The following DHX34 variants were observed in gnomAD, a reference collection of about 807,000 sequenced individuals.
DHX34 encodes the protein DExH-box helicase 34, also known as probable ATP-dependent RNA helicase DHX34.
Under a neutral mutation model 111.1 loss-of-function variants are expected in DHX34, and 96 were observed. The ratio of observed to expected loss-of-function variants is 0.86; its 90% CI spans 0.73 to 1.02. The LOEUF is 1.02. Ranked by LOEUF, DHX34 falls within the 50% of genes least tolerant of loss-of-function variation. The pLI is 0.00. For synonymous variants in DHX34, 688 were observed against 670.4 expected (o/e 1.03, Z -0.41); for missense variants, 1,560 against 1,579.9 (o/e 0.99, Z 0.21).
chr19:47,371,071 G>A (rs1275457912), intron 7 of DHX34, among the ~76,000 whole-genome samples: 2 of 152,238 alleles, frequency 1.3e-5, no homozygotes, highest in African/African-American at 4.8e-5. Flanking sequence ...GCCGGCGAAA[G>A]GCTCTGTGGA....
chr19:47,377,623 C>T (rs371801836), intron 13 of DHX34, among the ~76,000 whole-genome samples: 130 of 151,638 alleles, frequency 8.6e-4, no homozygotes, highest in African/African-American at 3.0e-3. Context: ...GTGTGGATCT[C>T]GGGGCAGAGT....
Position 47,352,303 on chromosome 19 carries a change from C to T in DHX34, c.-277-451C>T, listed in dbSNP as rs994945812. Among the ~76,000 whole-genome samples, 6 of 152,292 alleles carry T rather than the reference C, an allele frequency of 3.9e-5. No homozygotes were observed. In the South Asian group the frequency reaches 6.2e-4, roughly 16 times the overall value. On this transcript the variant is annotated intron_variant, in intron 1 of 16. Coordinates refer to ENST00000328771, the MANE Select transcript of DHX34 (RefSeq NM_014681.6). ...ACATGAGAGATCATGTGATCATGGC[C>T]GTCTGTGAGGACTCTGGTAGTCATA...
In DHX34 at chr19:47,375,695, G is replaced by A. The variant is rs773778745; in HGVS notation, c.2294G>A (p.Gly765Asp). Residue 765 changes from glycine to aspartate, a missense_variant, in exon 10 of 17, where the codon GGC becomes GAC. Coordinates refer to ENST00000328771, the MANE Select transcript of DHX34 (RefSeq NM_014681.6). ...CCAGCCCCCCCAGGGGCCAGTGATGGCGTGGACATCCAGGTGGGCGCCATG... is the reference window on the plus strand; with the variant it reads ...CCAGCCCCCCCAGGGGCCAGTGATGACGTGGACATCCAGGTGGGCGCCATG... ...AGPAPPGASDGVDIQDVKFKL... is the reference protein window; with the variant it reads ...AGPAPPGASDDVDIQDVKFKL... 1.3e-5 allele frequency: 20 copies of A among 1,560,092 alleles called. No homozygotes were observed. The highest frequency in any genetic ancestry group is 1.6e-5 in the Non-Finnish European group (19 of 1,157,080).
Position 47,359,991 on chromosome 19 carries a change from A to G in DHX34, c.1296A>G (p.Gly432=). The change falls in exon 5 of 17, where the codon GGA becomes GGG. Residue 432 remains glycine (G), a synonymous_variant. Transcript: ENST00000328771. ...AGGTATTTGATGTGGCACCCCCTGGAGTCCGGAAATGCATCCTCTCCACCA... is the reference window on the plus strand; with the variant it reads ...AGGTATTTGATGTGGCACCCCCTGGGGTCCGGAAATGCATCCTCTCCACCA... ...QDKVFDVAPP[G]VRKCILSTNI... 1 of 1,614,050 alleles carries G rather than the reference A, an allele frequency of 6.2e-7. No individual in the cohort carries two copies. The highest frequency in any genetic ancestry group is 8.5e-7 in the Non-Finnish European group (1 of 1,179,984).
chr19:47,379,510 C>G, intron 13 of DHX34, 200 bp from the exon 14 acceptor site: 1 of 900,426 alleles, frequency 1.1e-6, no homozygotes, highest in Non-Finnish European at 1.3e-6. Flanking sequence ...AGCCCCCTTC[C>G]CTGACTCAGC....
chr19:47,379,933 C>A lies in DHX34; in HGVS notation c.2930C>A (p.Pro977His), dbSNP rs771263808. The A allele has an allele frequency of 6.2e-6, 10 of 1,606,478 alleles. No homozygotes were observed. The East Asian group carries it at 2.2e-4, about 36-fold the overall frequency. ...EEEEEDTPVSPKEVATLSKEL... is the reference protein window; with the variant it reads ...EEEEEDTPVSHKEVATLSKEL... Reference sequence around the variant, plus strand: ...GAGGAGGAGGATACGCCAGTCAGCCCCAAGGAGGTGGCCACCCTGAGCAAG... The same window carrying A: ...GAGGAGGAGGATACGCCAGTCAGCCACAAGGAGGTGGCCACCCTGAGCAAG... The change falls in exon 14 of 17, where the codon CCC becomes CAC. Residue 977 changes from proline (P) to histidine (H), a missense_variant. By Grantham distance (77) the Pro-to-His change is moderately conservative (BLOSUM62 -2). Transcript: ENST00000328771.
chr19:47,366,969 T>C lies in DHX34; in HGVS notation c.1594-12T>C, dbSNP rs1969804286. 1 of 1,543,448 alleles carries C rather than the reference T, an allele frequency of 6.5e-7. No individual in the cohort carries two copies. The highest frequency in any genetic ancestry group is 8.7e-7 in the Non-Finnish European group (1 of 1,144,076). On this transcript the variant is annotated splice_polypyrimidine_tract_variant and intron_variant, in intron 6 of 16. Coordinates refer to ENST00000328771, the MANE Select transcript of DHX34 (RefSeq NM_014681.6). ...TGTTCCCCAATCTTGGGGGTTTTGCTTCTCATTCTAGATGAAGAGCATGAG... is the reference window on the plus strand; with the variant it reads ...TGTTCCCCAATCTTGGGGGTTTTGCCTCTCATTCTAGATGAAGAGCATGAG...
chr19:47,364,673 G>T (rs952419126), intron 6 of DHX34, among the ~76,000 whole-genome samples: 11 of 152,128 alleles, frequency 7.2e-5, no homozygotes, highest in Non-Finnish European at 1.3e-4. Flanking sequence ...AGGAGTTCGA[G>T]GCTGCAGTGA....
chr19:47,379,510 C>A, intron 13 of DHX34, 200 bp from the exon 14 acceptor site: 1 of 900,426 alleles, frequency 1.1e-6, no homozygotes, highest in Non-Finnish European at 1.3e-6. Context: ...AGCCCCCTTC[C>A]CTGACTCAGC....
At chr19:47,373,042 C>T (rs2122323017) in intron 8 of DHX34, 119 bp downstream of exon 8, 1 of 1,318,188 alleles carries the variant, frequency 7.6e-7, no homozygotes, top group Non-Finnish European at 1.0e-6. Context: ...CACTGAGCCC[C>T]CCACAGACTG....
chr19:47,380,709 C>T (rs1032537050), intron 14 of DHX34, 107 bp from the exon 15 acceptor site: 33 of 1,523,202 alleles, frequency 2.2e-5, no homozygotes, highest in South Asian at 1.0e-4. Context: ...ACTTGGCTCC[C>T]GTAACTGCAA....
chr19:47,375,510 G>T lies in DHX34; in HGVS notation c.2109G>T (p.Ala703=). 6.4e-7 allele frequency: 1 copy of T among 1,571,852 alleles called. No individual in the cohort carries two copies. The highest frequency in any genetic ancestry group is 8.6e-7 in the Non-Finnish European group (1 of 1,165,034). The change falls in exon 10 of 17, where the codon GCG becomes GCT. Residue 703 remains alanine, a synonymous_variant. Coordinates refer to ENST00000328771, the MANE Select transcript of DHX34 (RefSeq NM_014681.6). ...DHGLLAGAQA[A]QVGDSYSRLQ... ...GGCTGCTGGCTGGGGCCCAGGCCGC[G>T]CAGGTAGGGGACAGCTACAGTCGGT... is the stretch of plus-strand genomic sequence containing the variant.
At position 47,368,630 on chromosome 19, in the gene DHX34, G is replaced by GTA. The variant is rs1192985532; in HGVS notation, c.1768+1484_1768+1485dup. ...CCATTGAATGTGTGTGTGTGTGTGT[G>GTA]TATATATATACACACACACACACAC... On this transcript the variant is annotated intron_variant, in intron 7 of 16. Coordinates refer to ENST00000328771, the MANE Select transcript of DHX34 (RefSeq NM_014681.6). Among the ~76,000 whole-genome samples the GTA allele has an allele frequency of 7.2e-3, 928 of 129,608 alleles. 3 individuals carry two copies. The highest frequency in any genetic ancestry group is 0.013 in the Admixed American group (170 of 12,880). The allele number at this position is 129,608 out of a possible 152,430, so 85.0% of individuals were successfully genotyped here.
At chr19:47,364,252 G>A (rs540351207) in intron 6 of DHX34, among the ~76,000 whole-genome samples, 1 of 152,168 alleles carries the variant, frequency 6.6e-6, no homozygotes, top group South Asian at 2.1e-4. Context: ...CCTCAGTCTC[G>A]TGGCCACGCC....
chr19:47,357,899 A>T lies in DHX34; in HGVS notation c.1051A>T (p.Thr351Ser), dbSNP rs969938719. The T allele has an allele frequency of 6.2e-7, 1 of 1,613,768 alleles. No homozygotes were observed. Residue 351 changes from threonine (T) to serine (S), a missense_variant, in exon 4 of 17, where the codon ACG becomes TCG. Transcript: ENST00000328771. ...CCAGCCGCAGGAGGCGGAGCCGACC[A>T]CGTCCAAGTCAGAGAAGCTGGACCC... ...VYQPQEAEPT[T>S]SKSEKLDPRP... is the part of the protein sequence containing the mutation.
At chr19:47,378,832 G>C (rs186044121) in intron 13 of DHX34, among the ~76,000 whole-genome samples, 14 of 150,970 alleles carry the variant, frequency 9.3e-5, no homozygotes, top group African/African-American at 2.7e-4. Context: ...GTGAGACACT[G>C]TCTCAAAAAA....
At chr19:47,381,590 G>T in intron 16 of DHX34, 2 of 596,102 alleles carry the variant, frequency 3.4e-6, no homozygotes, top group Non-Finnish European at 5.8e-6. Flanking sequence ...TCTCTCTGTG[G>T]CTATGTCTCT....
chr19:47,373,945 C>T (rs990676683), intron 9 of DHX34, among the ~76,000 whole-genome samples: 9 of 152,100 alleles, frequency 5.9e-5, no homozygotes, highest in East Asian at 1.9e-4. Context: ...GGGAAGAGCT[C>T]GCCCTCCGGA....
Position 47,379,964 on chromosome 19 carries a change from C to G in DHX34, c.2961C>G (p.Leu987=). ...PKEVATLSKE[L]LQFTASKIPY... is the part of the protein sequence containing the mutation. ...AGGTGGCCACCCTGAGCAAGGAACTCCTGCAATTCACGGCATCCAAGGTAC... is the reference window on the plus strand; with the variant it reads ...AGGTGGCCACCCTGAGCAAGGAACTGCTGCAATTCACGGCATCCAAGGTAC... The change falls in exon 14 of 17, where the codon CTC becomes CTG. Residue 987 remains leucine, a synonymous_variant. Coordinates refer to ENST00000328771, the MANE Select transcript of DHX34 (RefSeq NM_014681.6). 1 of 1,589,774 alleles carries G rather than the reference C, an allele frequency of 6.3e-7. No homozygotes were observed. The highest frequency in any genetic ancestry group is 8.6e-7 in the Non-Finnish European group (1 of 1,160,658).
Sources: allele counts gnomAD v4.1 joint callset (sites outside exome capture counted in the v4.1 genomes callset), GRCh38; gene constraint gnomAD v4.1.1; transcripts MANE v1.5; gene names NCBI Gene and HGNC (gene_info 2026-07-23, HGNC 2026-07-21).